SNTG1: variants seen among roughly 807,000 people sequenced by gnomAD.
SNTG1 encodes the protein gamma-1-syntrophin.
SNTG1 carries 39 observed loss-of-function variants against 74.7 expected under a neutral mutation model. The observed-to-expected ratio is 0.52, with a 90% CI of 0.40 to 0.68. The LOEUF (loss-of-function observed/expected upper bound fraction) is 0.68, where lower values mean the gene tolerates loss of function less well. Ranked by LOEUF, SNTG1 falls within the 30% of genes least tolerant of loss-of-function variation. The pLI is 0.00. For synonymous variants in SNTG1, 254 were observed against 217.1 expected (o/e 1.17, Z -1.49); for missense variants, 685 against 609.5 (o/e 1.12, Z -1.30).
intron 13 of SNTG1, among the ~76,000 whole-genome samples, chr8:50,615,601 C>A (rs2094880574): frequency 6.6e-6 from 1 of 152,154 alleles, no homozygotes; most frequent in Non-Finnish European, 1.5e-5. Context: ...AGCTTCCAGT[C>A]ACTCTTAGAA....
chr8:49,992,082 A>G, intron 1 of SNTG1, among the ~76,000 whole-genome samples: 1 of 152,176 alleles, frequency 6.6e-6, no homozygotes, highest in Middle Eastern at 3.2e-3. Context: ...CCTTTGCGGG[A>G]ACAGAACTGG....
chr8:50,030,521 A>G (rs552732560), intron 1 of SNTG1, among the ~76,000 whole-genome samples: 2 of 152,182 alleles, frequency 1.3e-5, no homozygotes, highest in East Asian at 1.9e-4. Flanking sequence ...GTTTTTTAAT[A>G]TATGGTATAA....
intron 2 of SNTG1, among the ~76,000 whole-genome samples, chr8:50,264,108 C>T (rs144615285): frequency 6.6e-5 from 10 of 152,088 alleles, no homozygotes; most frequent in Admixed American, 1.3e-4. Flanking sequence ...AGAATTACAA[C>T]GGAAATTAGA....
intron 2 of SNTG1, among the ~76,000 whole-genome samples, chr8:50,249,174 G>C (rs1349040013): frequency 6.6e-6 from 1 of 152,176 alleles, no homozygotes; most frequent in Non-Finnish European, 1.5e-5. Context: ...GATAGAGGAG[G>C]ATCTTCTAGT....
intron 1 of SNTG1, among the ~76,000 whole-genome samples, chr8:50,160,800 G>T (rs913126368): frequency 4.4e-4 from 67 of 152,290 alleles, no homozygotes; most frequent in African/African-American, 1.5e-3. Context: ...GCACGGAATA[G>T]CTGTAGTACT....
chr8:50,358,725 T>A (rs2091884076), intron 2 of SNTG1, among the ~76,000 whole-genome samples: 1 of 152,184 alleles, frequency 6.6e-6, no homozygotes, highest in Admixed American at 6.5e-5. Flanking sequence ...ATGCTGTAAT[T>A]TTTTTACAGA....
intron 4 of SNTG1, among the ~76,000 whole-genome samples, chr8:50,430,544 A>G (rs1370928014): frequency 6.6e-6 from 1 of 152,186 alleles, no homozygotes; most frequent in Non-Finnish European, 1.5e-5. Flanking sequence ...TGAAAGGGCC[A>G]TTTATGCAAA....
chr8:50,098,916 G>A (rs1363342595), intron 1 of SNTG1, among the ~76,000 whole-genome samples: 1 of 152,088 alleles, frequency 6.6e-6, no homozygotes, highest in Non-Finnish European at 1.5e-5. Context: ...ACACAAAATA[G>A]TGAACAAATC....
chr8:50,058,423 T>C (rs1203260186), intron 1 of SNTG1, among the ~76,000 whole-genome samples: 1 of 152,110 alleles, frequency 6.6e-6, no homozygotes, highest in Non-Finnish European at 1.5e-5. Flanking sequence ...CTCTATTTCC[T>C]ATAAGGAAGC....
At chr8:50,288,699 A>T (rs958527246) in intron 2 of SNTG1, among the ~76,000 whole-genome samples, 3 of 151,980 alleles carry the variant, frequency 2.0e-5, no homozygotes, top group African/African-American at 7.3e-5. Context: ...GTCATCTGGA[A>T]AAAAAAAGGA....
intron 13 of SNTG1, among the ~76,000 whole-genome samples, chr8:50,625,213 G>A (rs934521103): frequency 6.6e-6 from 1 of 152,224 alleles, no homozygotes. Flanking sequence ...AAACTGAGCA[G>A]AACTACATGG....
At chr8:50,124,712 C>T (rs2131370434) in intron 1 of SNTG1, among the ~76,000 whole-genome samples, 1 of 140,888 alleles carries the variant, frequency 7.1e-6, no homozygotes, top group South Asian at 2.7e-4. Context: ...AAATTACCTC[C>T]AAGGGCTTTC....
At chr8:50,432,481 T>A (rs2093249199) in intron 4 of SNTG1, among the ~76,000 whole-genome samples, 1 of 152,122 alleles carries the variant, frequency 6.6e-6, no homozygotes, top group African/African-American at 2.4e-5. Context: ...TCTTCAGTAT[T>A]GTACTGGTTA....
chr8:50,647,059 A>C (rs1319146477), intron 13 of SNTG1, among the ~76,000 whole-genome samples: 1 of 152,226 alleles, frequency 6.6e-6, no homozygotes. Flanking sequence ...TTCTACAAAC[A>C]TTAACTCAAA....
intron 2 of SNTG1, among the ~76,000 whole-genome samples, chr8:50,227,139 G>A (rs78541474): frequency 0.018 from 2,777 of 152,156 alleles, 82 homozygotes; most frequent in African/African-American, 0.064. Context: ...AAAACTCTGG[G>A]GAGACAGGCC....
intron 8 of SNTG1, among the ~76,000 whole-genome samples, chr8:50,455,141 G>C (rs148361003): frequency 1.3e-4 from 20 of 152,184 alleles, no homozygotes; most frequent in African/African-American, 4.8e-4. Context: ...TTTAACTATA[G>C]CAGAAAAGTA....
At chr8:50,171,481 A>C (rs1210958879) in intron 1 of SNTG1, among the ~76,000 whole-genome samples, 4 of 152,178 alleles carry the variant, frequency 2.6e-5, no homozygotes, top group Non-Finnish European at 4.4e-5. Flanking sequence ...CAAAGCTGGC[A>C]GCTGATTAGA....
At chr8:50,210,805 C>CA (rs2084484560) in intron 2 of SNTG1, among the ~76,000 whole-genome samples, 2 of 152,058 alleles carry the variant, frequency 1.3e-5, no homozygotes, top group Admixed American at 1.3e-4. Flanking sequence ...AAAACAAAAA[C>CA]AAAAACAAAA....
intron 1 of SNTG1, among the ~76,000 whole-genome samples, chr8:49,978,013 A>T (rs1019592705): frequency 6.6e-6 from 1 of 152,204 alleles, no homozygotes; most frequent in African/African-American, 2.4e-5. Flanking sequence ...TGCCTGGAGG[A>T]TCATTTGTGA....
Sources: allele counts gnomAD v4.1 joint callset (sites outside exome capture counted in the v4.1 genomes callset), GRCh38; gene constraint gnomAD v4.1.1; transcripts MANE v1.5; gene names NCBI Gene and HGNC (gene_info 2026-07-23, HGNC 2026-07-21).